FAAP20: variants seen among roughly 807,000 people sequenced by gnomAD.
FAAP20 encodes Fanconi anemia core complex-associated protein 20.
Under a neutral mutation model 16.2 loss-of-function variants are expected in FAAP20, and 12 were observed. The ratio of observed to expected loss-of-function variants is 0.74; its 90% CI spans 0.48 to 1.20. The LOEUF (loss-of-function observed/expected upper bound fraction) is 1.20. Ranked by LOEUF, FAAP20 falls within the 50% of genes most tolerant of loss-of-function variation. The probability of loss-of-function intolerance (pLI) is 0.00; values close to 1 mark genes in which losing one functional copy is unlikely to be tolerated. For synonymous variants in FAAP20, 141 were observed against 110.7 expected, an observed-to-expected ratio of 1.27 and a Z score of -1.72; for missense variants, 288 against 245.8, an observed-to-expected ratio of 1.17 and a Z score of -1.15.
At chr1:2,202,177 C>A (rs972823749), upstream of FAAP20, among the ~76,000 whole-genome samples, 10 of 152,242 alleles carry the variant, frequency 6.6e-5, no homozygotes, top group Middle Eastern at 3.2e-3. Flanking sequence ...AGACTCCGGG[C>A]TGTCCTGCAA....
At chr1:2,191,782 CA>C (rs952438517) in intron 3 of FAAP20, 75 of 972,780 alleles carry the variant, frequency 7.7e-5, no homozygotes, top group Non-Finnish European at 9.2e-5. Flanking sequence ...AGGGCCTCGC[CA>C]CATCAACAGA....
At chr1:2,193,566 T>G in intron 3 of FAAP20, 73 bp downstream of exon 3, 1 of 1,561,518 alleles carries the variant, frequency 6.4e-7, no homozygotes, top group Non-Finnish European at 8.6e-7. Flanking sequence ...CGGCCACCTC[T>G]TGACCTTCTG....
chr1:2,185,516 G>A (rs1349037512), downstream of FAAP20: 1 of 716,702 alleles, frequency 1.4e-6, no homozygotes, highest in African/African-American at 1.7e-5. Context: ...TGAAGTACCT[G>A]TGGGGACACA....
chr1:2,201,302 C>T (rs946720817), upstream of FAAP20: 30 of 1,093,208 alleles, frequency 2.7e-5, no homozygotes, highest in African/African-American at 5.0e-5. Context: ...GCACGGTGAG[C>T]GACCTCTGTA....
upstream of FAAP20, among the ~76,000 whole-genome samples, chr1:2,202,519 A>G (rs1477734447): frequency 6.6e-6 from 1 of 152,154 alleles, no homozygotes; most frequent in East Asian, 1.9e-4. Flanking sequence ...GCTGGAGTCT[A>G]GTGGCATGAT....
downstream of FAAP20, chr1:2,185,159 G>A (rs1269663620): frequency 1.0e-5 from 8 of 776,452 alleles, no homozygotes; most frequent in East Asian, 5.3e-5. Flanking sequence ...GTCAGCGGGC[G>A]CTGCTGGGAG....
chr1:2,185,972 C>T (rs527606483), downstream of FAAP20: 14 of 355,548 alleles, frequency 3.9e-5, no homozygotes, highest in East Asian at 8.1e-4. Flanking sequence ...CTCCTGCTCC[C>T]GGGAACACAC....
upstream of FAAP20, chr1:2,203,517 C>G: frequency 1.4e-5 from 14 of 985,792 alleles, no homozygotes; most frequent in Non-Finnish European, 1.7e-5. Flanking sequence ...GACCTGTGCA[C>G]CTGACAGGGA....
chr1:2,198,621 C>T (rs1343639856), upstream of FAAP20: 3 of 1,177,204 alleles, frequency 2.5e-6, no homozygotes, highest in Non-Finnish European at 3.2e-6. Flanking sequence ...GGCCGTGCAC[C>T]CTCCCAATTT....
chr1:2,205,461 G>A (rs1300177005), intron 3 of FAAP20, among the ~76,000 whole-genome samples: 3 of 151,572 alleles, frequency 2.0e-5, no homozygotes, highest in African/African-American at 7.3e-5. Flanking sequence ...CAGGTCCACA[G>A]GCCCAGCCCG....
chr1:2,193,501 A>G (rs1039011675), intron 3 of FAAP20, 138 bp downstream of exon 3: 4 of 1,338,760 alleles, frequency 3.0e-6, no homozygotes, highest in Non-Finnish European at 4.0e-6. Flanking sequence ...GCCAGGCCAC[A>G]GCACTGGGCC....
At chr1:2,196,940 C>T (rs985723018), upstream of FAAP20, among the ~76,000 whole-genome samples, 5 of 152,332 alleles carry the variant, frequency 3.3e-5, no homozygotes, top group African/African-American at 1.2e-4. This position sits in a 1 kb window ranked among gnomAD's most constrained non-coding sequence, Gnocchi z 4.5. Context: ...TTGCTCCTTC[C>T]TCTCCCTTCC....
At chr1:2,189,009 AAG>A (rs1687854677), downstream of FAAP20, among the ~76,000 whole-genome samples, 2 of 121,678 alleles carry the variant, frequency 1.6e-5, no homozygotes, top group Admixed American at 7.6e-5. Flanking sequence ...CGTCTCAAAA[AAG>A]AAAAAAAAAA....
chr1:2,192,984 C>G, intron 3 of FAAP20: 1 of 1,304,018 alleles, frequency 7.7e-7, no homozygotes, highest in South Asian at 1.2e-5. Context: ...TTCTGGAAGA[C>G]CAGGGGCATC....
chr1:2,199,716 C>T (rs1327366090), upstream of FAAP20: 1 of 858,372 alleles, frequency 1.2e-6, no homozygotes, highest in Non-Finnish European at 1.4e-6. This position sits in a 1 kb window ranked among gnomAD's most constrained non-coding sequence, Gnocchi z 4.5. Flanking sequence ...CCGATATAAT[C>T]AAACCAGGAT....
At chr1:2,185,175 C>T (rs1181374200), downstream of FAAP20, 3 of 730,800 alleles carry the variant, frequency 4.1e-6, no homozygotes, top group African/African-American at 1.7e-5. Flanking sequence ...GGGAGCAGAA[C>T]AGTCCCTCAC....
upstream of FAAP20, among the ~76,000 whole-genome samples, chr1:2,197,414 G>A (rs1027102252): frequency 4.6e-5 from 7 of 152,212 alleles, no homozygotes; most frequent in Non-Finnish European, 8.8e-5. Flanking sequence ...CCCGGCTGGC[G>A]CAGGCTGCTT....
chr1:2,185,262 C>A, downstream of FAAP20: 1 of 715,210 alleles, frequency 1.4e-6, no homozygotes, highest in Non-Finnish European at 2.6e-6. Context: ...CCGCGGGGAC[C>A]CTGCCGAGGG....
chr1:2,189,268 G>A (rs1687887662), downstream of FAAP20, among the ~76,000 whole-genome samples: 4 of 147,162 alleles, frequency 2.7e-5, no homozygotes, highest in Admixed American at 2.7e-4. Flanking sequence ...GGAGTCTGAG[G>A]CTGCAATGAG....
Sources: gnomAD v4.1 joint callset for allele counts (sites outside exome capture counted in the v4.1 genomes callset) on GRCh38, gnomAD v4.1.1 for gene constraint, Gnocchi (gnomAD v3.1) non-coding constraint, MANE v1.5 for transcripts, NCBI Gene and HGNC (gene_info 2026-07-23, HGNC 2026-07-21) for gene names.